Variants in FAR1 observed in about 807,000 individuals in gnomAD.
FAR1 encodes the protein fatty acyl-CoA reductase 1, also known as male sterility domain-containing protein 2.
FAR1 carries 22 observed loss-of-function variants against 61.1 expected under a neutral mutation model. The observed-to-expected ratio is 0.36, with a 90% CI of 0.26 to 0.51. FAR1 has a LOEUF of 0.51. FAR1 is among the 20% of genes least tolerant of loss of function. The pLI, the probability that FAR1 is intolerant of heterozygous loss-of-function variation, is 0.95. For missense variants in FAR1, 359 were observed against 626.9 expected, an observed-to-expected ratio of 0.57 and a Z score of 4.56; for synonymous variants, 206 against 209.7, an observed-to-expected ratio of 0.98 and a Z score of 0.15.
chr11:13,710,005 AT>A (rs1848479842), intron 4 of FAR1, among the ~76,000 whole-genome samples: 2 of 152,016 alleles, frequency 1.3e-5, no homozygotes, highest in Admixed American at 6.6e-5. Context: ...AACTGGAGGA[AT>A]TTTTTTGACT....
chr11:13,721,571 A>G lies in FAR1; in HGVS notation c.1128-159A>G, dbSNP rs1315249853. 1.8e-6 allele frequency: 1 copy of G among 565,462 alleles called. No homozygotes were observed. Among genetic ancestry groups the G allele is most frequent in the African/African-American group, 2.0e-5 (1 of 50,934 alleles). 35.0% of individuals were successfully genotyped at this position (565,462 alleles called of 1,614,324 possible). On this transcript the variant is annotated intron_variant, in intron 9 of 11. Coordinates refer to ENST00000354817, the MANE Select transcript of FAR1 (RefSeq NM_032228.6). This position sits in a 1 kb window ranked among gnomAD's most constrained non-coding sequence, Gnocchi z 4.2. Reference sequence around the variant, plus strand: ...TAAATTGTTCATCCAAGATGCAGAAATAGTCTTATTCCCTGCTGATTTGGT... The same window carrying G: ...TAAATTGTTCATCCAAGATGCAGAAGTAGTCTTATTCCCTGCTGATTTGGT...
chr11:13,678,803 A>C (rs188567074), intron 1 of FAR1, among the ~76,000 whole-genome samples: 19 of 152,252 alleles, frequency 1.2e-4, no homozygotes, highest in Non-Finnish European at 1.8e-4. Context: ...GGGATAAAGC[A>C]TATAGTTTCC....
chr11:13,702,830 A>G (rs532916013), intron 3 of FAR1, among the ~76,000 whole-genome samples: 1 of 152,364 alleles, frequency 6.6e-6, no homozygotes, highest in Admixed American at 6.5e-5. Context: ...GAAGCTTTAC[A>G]AGGAGGACCA....
chr11:13,710,167 G>A (rs1029736826), intron 4 of FAR1, among the ~76,000 whole-genome samples: 1 of 151,938 alleles, frequency 6.6e-6, no homozygotes, highest in African/African-American at 2.4e-5. Flanking sequence ...CATTATAAAT[G>A]TATGTTAATT....
intron 9 of FAR1, chr11:13,720,237 T>C (rs1439625818): frequency 1.3e-5 from 2 of 152,084 alleles, no homozygotes; most frequent in Admixed American, 6.6e-5. Flanking sequence ...TGAACAAGAG[T>C]TAAGAAAAAC....
At chr11:13,670,824 G>A (rs1475330525) in intron 1 of FAR1, among the ~76,000 whole-genome samples, 1 of 151,712 alleles carries the variant, frequency 6.6e-6, no homozygotes, top group African/African-American at 2.4e-5. Context: ...GCTGGAGGCA[G>A]AGACTGAGGT....
At chr11:13,674,264 G>C (rs1848041209) in intron 1 of FAR1, among the ~76,000 whole-genome samples, 2 of 149,580 alleles carry the variant, frequency 1.3e-5, no homozygotes, top group Non-Finnish European at 3.0e-5. Context: ...AGCCAAGATA[G>C]CGCCACTGCA....
chr11:13,722,591 A>G (rs1848622817), intron 10 of FAR1, among the ~76,000 whole-genome samples: 1 of 151,752 alleles, frequency 6.6e-6, no homozygotes, highest in Admixed American at 6.6e-5. Flanking sequence ...CTCCTGCCTC[A>G]GCCTCCCAAG....
intron 5 of FAR1, 122 bp from the exon 6 acceptor site, chr11:13,711,642 T>C (rs1182781093): frequency 4.0e-6 from 3 of 744,880 alleles, no homozygotes; most frequent in Non-Finnish European, 7.0e-6. Flanking sequence ...GAATCTAGTC[T>C]GTTTTTTAGT....
chr11:13,672,214 A>G (rs1281355189), intron 1 of FAR1, among the ~76,000 whole-genome samples: 2 of 152,146 alleles, frequency 1.3e-5, no homozygotes, highest in African/African-American at 4.8e-5. Flanking sequence ...GATTCATAGG[A>G]AAGATGATGG....
rs1303464648 is a variant in FAR1 at position 13,689,678 on chromosome 11, A to G, written c.-7-5081A>G. On this transcript the variant is annotated intron_variant, in intron 1 of 11. Transcript: ENST00000354817. ...AAGAGTGGAATTGCTAGGTCCTATG[A>G]TATGTGAATGTTCAGCTTTAGTGGG... is the stretch of plus-strand genomic sequence containing the variant. Among the ~76,000 whole-genome samples, 3 of 152,070 alleles carry G rather than the reference A, an allele frequency of 2.0e-5. 1 individual carries two copies. Among genetic ancestry groups the G allele is most frequent in the Middle Eastern group, 3.2e-3 (1 of 316 alleles).
At chr11:13,698,187 A>G (rs1489771430) in intron 2 of FAR1, among the ~76,000 whole-genome samples, 1 of 152,128 alleles carries the variant, frequency 6.6e-6, no homozygotes, top group Non-Finnish European at 1.5e-5. Context: ...TGTATCTCCA[A>G]AACAGTACTT....
chr11:13,712,118 GTTAA>G (rs1848505913), intron 7 of FAR1, 72 bp downstream of exon 7: 2 of 1,042,182 alleles, frequency 1.9e-6, no homozygotes, highest in Non-Finnish European at 3.0e-6. Context: ...TTTGAGTAAT[GTTAA>G]TTAATCCCTC....
chr11:13,701,094 A>G (rs553514303), intron 3 of FAR1, among the ~76,000 whole-genome samples: 2 of 152,186 alleles, frequency 1.3e-5, no homozygotes, highest in Admixed American at 6.5e-5. Flanking sequence ...ATTTCAAATA[A>G]TGGTTCTGAA....
rs1848612600 is a variant in FAR1 at position 13,721,832 on chromosome 11, G to C, written c.1230G>C (p.Met410Ile). 1 of 1,607,522 alleles carries C rather than the reference G, an allele frequency of 6.2e-7. No homozygotes were observed. Among genetic ancestry groups the C allele is most frequent in the South Asian group, 1.1e-5 (1 of 89,604 alleles). ...ATACTGAGAATGTCAATATGTTAATGAATCAACTAAACCCTGAAGATAAAA... is the reference window on the plus strand; with the variant it reads ...ATACTGAGAATGTCAATATGTTAATCAATCAACTAAACCCTGAAGATAAAA... Reference protein sequence around the residue: ...VWNTENVNMLMNQLNPEDKKT... With the variant: ...VWNTENVNMLINQLNPEDKKT... Residue 410 changes from methionine to isoleucine, a missense_variant, in exon 10 of 12, where the codon ATG becomes ATC. Coordinates refer to ENST00000354817, the MANE Select transcript of FAR1 (RefSeq NM_032228.6). This position sits in a 1 kb window ranked among gnomAD's most constrained non-coding sequence, Gnocchi z 4.2.
intron 1 of FAR1, among the ~76,000 whole-genome samples, chr11:13,685,228 T>C (rs1199095091): frequency 6.6e-6 from 1 of 152,168 alleles, no homozygotes; most frequent in Admixed American, 6.5e-5. Context: ...CCTCTGGAAA[T>C]GGCCCTCAGG....
At chr11:13,713,188 C>T in intron 8 of FAR1, 155 bp downstream of exon 8, 1 of 665,968 alleles carries the variant, frequency 1.5e-6, no homozygotes, top group South Asian at 1.7e-5. Flanking sequence ...ACCAATACTA[C>T]CTTGTGGTCC....
In FAR1 at chr11:13,714,699, G is replaced by A. The variant is rs759441347; in HGVS notation, c.1127+19G>A. On this transcript the variant is annotated intron_variant, in intron 9 of 11. Coordinates refer to ENST00000354817, the MANE Select transcript of FAR1 (RefSeq NM_032228.6). The stretch of plus-strand genomic sequence containing the variant: ...GCCCAAGGTAATGGTGACTAGCTCT[G>A]TCTTATCTGTTCCTCTGTTAAACAA... The A allele has an allele frequency of 6.3e-6, 10 of 1,586,794 alleles. No individual in the cohort carries two copies. Among genetic ancestry groups the A allele is most frequent in the East Asian group, 4.5e-5 (2 of 44,152 alleles).
At chr11:13,690,088 C>G (rs1318091466) in intron 1 of FAR1, among the ~76,000 whole-genome samples, 7 of 151,896 alleles carry the variant, frequency 4.6e-5, no homozygotes, top group Non-Finnish European at 7.4e-5. Context: ...GTTGGCCAGG[C>G]TGGTCTCTGA....
Sources: gnomAD v4.1 joint callset for allele counts (sites outside exome capture counted in the v4.1 genomes callset) on GRCh38, gnomAD v4.1.1 for gene constraint, Gnocchi (gnomAD v3.1) non-coding constraint, MANE v1.5 for transcripts, NCBI Gene and HGNC (gene_info 2026-07-23, HGNC 2026-07-21) for gene names.